TMCC1: variants seen among roughly 807,000 people sequenced by gnomAD.
TMCC1 encodes the protein transmembrane and coiled-coil domains protein 1.
In TMCC1, 15 loss-of-function variants were observed where a neutral mutation model predicts 52.4. The ratio of observed to expected loss-of-function variants is 0.29; its 90% CI spans 0.19 to 0.44. TMCC1 has a LOEUF of 0.44. Among genes scored for constraint, TMCC1 ranks in the 20% least tolerant of loss-of-function variants. The pLI, the probability that TMCC1 is intolerant of heterozygous loss-of-function variation, is 1.00. For synonymous variants in TMCC1, 279 were observed against 301.9 expected (o/e 0.92, Z 0.79); for missense variants, 503 against 806.0 (o/e 0.62, Z 4.55).
At chr3:129,874,955 T>C (rs2061120314) in intron 2 of TMCC1, among the ~76,000 whole-genome samples, 1 of 152,196 alleles carries the variant, frequency 6.6e-6, no homozygotes. Flanking sequence ...CTTAACTCTG[T>C]TTTCCTTATT....
intron 4 of TMCC1, among the ~76,000 whole-genome samples, chr3:129,823,539 T>A (rs2058519140): frequency 6.6e-6 from 1 of 152,128 alleles, no homozygotes; most frequent in African/African-American, 2.4e-5. Context: ...AATAAGTCAA[T>A]TTTTAACAAA....
At chr3:129,819,256 T>A (rs888331680) in intron 4 of TMCC1, among the ~76,000 whole-genome samples, 5 of 151,690 alleles carry the variant, frequency 3.3e-5, no homozygotes, top group South Asian at 2.1e-4. Flanking sequence ...CTAATTTTTT[T>A]ATTTTTAGTA....
chr3:129,804,725 T>C (rs967579752), intron 4 of TMCC1, among the ~76,000 whole-genome samples: 8 of 152,184 alleles, frequency 5.3e-5, no homozygotes, highest in African/African-American at 1.4e-4. Context: ...TCAATGAATT[T>C]ACAGCCTTCA....
intron 4 of TMCC1, among the ~76,000 whole-genome samples, chr3:129,747,315 G>A (rs534897680): frequency 9.9e-5 from 15 of 152,072 alleles, no homozygotes; most frequent in African/African-American, 3.4e-4. Flanking sequence ...CATATAATCC[G>A]AGGAAATCCA....
chr3:129,786,267 T>TA (rs2056025150), intron 4 of TMCC1, among the ~76,000 whole-genome samples: 1 of 151,996 alleles, frequency 6.6e-6, no homozygotes, highest in South Asian at 2.1e-4. Flanking sequence ...AAGGAACAGA[T>TA]ACTAAACATG....
intron 4 of TMCC1, among the ~76,000 whole-genome samples, chr3:129,742,300 G>A (rs1365002769): frequency 6.6e-6 from 1 of 152,014 alleles, no homozygotes; most frequent in Admixed American, 6.6e-5. Context: ...AAACCACAGA[G>A]GAAAGAATCT....
intron 5 of TMCC1, among the ~76,000 whole-genome samples, chr3:129,662,407 A>C (rs1289568360): frequency 6.6e-6 from 1 of 152,210 alleles, no homozygotes; most frequent in Non-Finnish European, 1.5e-5. Flanking sequence ...ACTGTACCAT[A>C]GGCAACTGCA....
At chr3:129,694,637 A>T (rs1199664668) in intron 4 of TMCC1, among the ~76,000 whole-genome samples, 3 of 152,202 alleles carry the variant, frequency 2.0e-5, no homozygotes, top group African/African-American at 7.2e-5. Flanking sequence ...GTTCCTCCCC[A>T]CTGCTACACT....
chr3:129,725,306 T>C (rs2049985631), intron 4 of TMCC1, among the ~76,000 whole-genome samples: 1 of 152,122 alleles, frequency 6.6e-6, no homozygotes, highest in African/African-American at 2.4e-5. Flanking sequence ...GAGATGGGGT[T>C]TCACCATGTT....
At chr3:129,794,418 G>C (rs2056681740) in intron 4 of TMCC1, 2 of 455,132 alleles carry the variant, frequency 4.4e-6, no homozygotes, top group Non-Finnish European at 8.8e-6. Context: ...TTAAATAACA[G>C]CTTCTTGGGA....
chr3:129,701,315 C>T (rs1334047066), intron 4 of TMCC1, among the ~76,000 whole-genome samples: 1 of 152,236 alleles, frequency 6.6e-6, no homozygotes, highest in East Asian at 1.9e-4. Context: ...CTGTGCATTA[C>T]TCAAGAAGTC....
chr3:129,668,648 G>A (rs2087664779), intron 5 of TMCC1, among the ~76,000 whole-genome samples: 1 of 152,124 alleles, frequency 6.6e-6, no homozygotes, highest in African/African-American at 2.4e-5. Flanking sequence ...CATTTGACAC[G>A]GAGTTTTGCT....
At chr3:129,841,537 C>G (rs572790214) in intron 2 of TMCC1, among the ~76,000 whole-genome samples, 3 of 152,082 alleles carry the variant, frequency 2.0e-5, no homozygotes, top group Non-Finnish European at 4.4e-5. Flanking sequence ...GAGCCAAGAT[C>G]GTGTCATTGC....
At chr3:129,759,574 C>T (rs1378216597) in intron 4 of TMCC1, among the ~76,000 whole-genome samples, 1 of 132,226 alleles carries the variant, frequency 7.6e-6, no homozygotes, top group Non-Finnish European at 1.7e-5. Flanking sequence ...GGCCTATGAC[C>T]ATTTTTGAGA....
intron 4 of TMCC1, among the ~76,000 whole-genome samples, chr3:129,703,514 C>CA (rs2047995586): frequency 6.6e-6 from 1 of 152,164 alleles, no homozygotes; most frequent in African/African-American, 2.4e-5. Context: ...ATTGCTCTGC[C>CA]AGTCATCAGC....
At chr3:129,801,284 T>C (rs984654595) in intron 4 of TMCC1, among the ~76,000 whole-genome samples, 1 of 147,948 alleles carries the variant, frequency 6.8e-6, no homozygotes, top group African/African-American at 2.5e-5. Flanking sequence ...TATGACCTCC[T>C]TTTTTTTTTA....
At chr3:129,679,393 C>A (rs2088768436) in intron 4 of TMCC1, among the ~76,000 whole-genome samples, 1 of 152,188 alleles carries the variant, frequency 6.6e-6, no homozygotes, top group Non-Finnish European at 1.5e-5. Flanking sequence ...GCAACCTCCG[C>A]CTCCAGGGTT....
At chr3:129,761,854 G>A (rs1426490289) in intron 4 of TMCC1, among the ~76,000 whole-genome samples, 1 of 151,968 alleles carries the variant, frequency 6.6e-6, no homozygotes, top group South Asian at 2.1e-4. Context: ...AGCTAGGCAT[G>A]ATGGTGTGTG....
chr3:129,705,209 A>C (rs1345732023), intron 4 of TMCC1, among the ~76,000 whole-genome samples: 2 of 152,162 alleles, frequency 1.3e-5, no homozygotes, highest in Admixed American at 1.3e-4. Context: ...CTAGTGAGGA[A>C]CGAAAAGGAG....
Sources: allele counts gnomAD v4.1 joint callset (sites outside exome capture counted in the v4.1 genomes callset), GRCh38; gene constraint gnomAD v4.1.1; transcripts MANE v1.5; gene names NCBI Gene and HGNC (gene_info 2026-07-23, HGNC 2026-07-21).